The following LIPI variants were observed in gnomAD, a reference collection of about 807,000 sequenced individuals.
LIPI encodes the protein lipase I, also known as lipase member I.
In LIPI, 59 loss-of-function variants were observed where a neutral mutation model predicts 50.6. The observed-to-expected ratio is 1.16, with a 90% CI of 0.94 to 1.45. LIPI has a LOEUF of 1.45. Ranked by LOEUF, LIPI falls within the 40% of genes most tolerant of loss-of-function variation. The pLI, the probability that LIPI is intolerant of heterozygous loss-of-function variation, is 0.00. For synonymous variants in LIPI, 203 were observed against 178.2 expected, an observed-to-expected ratio of 1.14 and a Z score of -1.11; for missense variants, 586 against 536.3, an observed-to-expected ratio of 1.09 and a Z score of -0.92.
intron 8 of LIPI, among the ~76,000 whole-genome samples, chr21:14,146,927 C>T (rs977671045): frequency 1.3e-5 from 2 of 151,760 alleles, no homozygotes; most frequent in Non-Finnish European, 2.9e-5. Flanking sequence ...TACAGGCACA[C>T]GCCACCACAC....
At chr21:14,202,631 T>C (rs1306196405) in intron 1 of LIPI, among the ~76,000 whole-genome samples, 2 of 152,188 alleles carry the variant, frequency 1.3e-5, no homozygotes, top group African/African-American at 2.4e-5. Flanking sequence ...GCTAGCCATA[T>C]GTAGAAAGCT....
chr21:14,137,554 A>C (rs2017547553), intron 9 of LIPI, among the ~76,000 whole-genome samples: 1 of 152,182 alleles, frequency 6.6e-6, no homozygotes, highest in Non-Finnish European at 1.5e-5. Context: ...GAGAAAAAAG[A>C]ATATAAAGCA....
At chr21:14,179,614 C>T (rs760955285) in intron 4 of LIPI, among the ~76,000 whole-genome samples, 15 of 152,110 alleles carry the variant, frequency 9.9e-5, no homozygotes, top group African/African-American at 1.7e-4. Context: ...ATAGAGGGAC[C>T]GGCTGGAGCC....
chr21:14,118,973 G>A (rs4493342), intron 9 of LIPI, among the ~76,000 whole-genome samples: 20,474 of 152,222 alleles, frequency 0.13, 1,839 homozygotes, highest in South Asian at 0.21. Flanking sequence ...GGCAATCAAC[G>A]AGGTGGTGGC....
chr21:14,173,707 G>A (rs2123206726), intron 4 of LIPI, among the ~76,000 whole-genome samples: 1 of 152,316 alleles, frequency 6.6e-6, no homozygotes, highest in Middle Eastern at 3.4e-3. Context: ...GTTCTAGGAT[G>A]TAACAGAACC....
intron 9 of LIPI, among the ~76,000 whole-genome samples, chr21:14,138,632 C>A (rs1183493028): frequency 2.0e-5 from 3 of 151,994 alleles, no homozygotes; most frequent in East Asian, 3.9e-4. Flanking sequence ...AAAAAATTGT[C>A]CCTAGCCATC....
intron 7 of LIPI, among the ~76,000 whole-genome samples, chr21:14,162,969 CT>C (rs997366691): frequency 5.9e-5 from 9 of 151,494 alleles, no homozygotes; most frequent in African/African-American, 2.2e-4. Context: ...GAGATTCTCT[CT>C]TCTTCTACAA....
In LIPI at chr21:14,181,844, C is replaced by G; in HGVS notation, c.557G>C (p.Gly186Ala). 1 of 1,609,080 alleles carries G rather than the reference C, an allele frequency of 6.2e-7. No homozygotes were observed. Among genetic ancestry groups the G allele is most frequent in the South Asian group, 1.1e-5 (1 of 90,832 alleles). Residue 186 changes from glycine to alanine, a missense_variant, in exon 4 of 10, where the codon GGG becomes GCG. Coordinates refer to ENST00000681601, the MANE Select transcript of LIPI (RefSeq NM_001302998.2). ...LGRITGLDPA[G>A]PRFSRKPPYS... ...TGGTGGTTTTCTGGAGAACCTTGGC[C>G]CAGCAGGGTCAAGACCTGGAAAGCA...
At chr21:14,117,831 T>G (rs1355282386) in intron 9 of LIPI, among the ~76,000 whole-genome samples, 2 of 151,768 alleles carry the variant, frequency 1.3e-5, no homozygotes, top group Non-Finnish European at 2.9e-5. Flanking sequence ...TGTTTGTAAA[T>G]TGAGATGAAA....
chr21:14,173,928 A>C (rs1367922661), intron 4 of LIPI, among the ~76,000 whole-genome samples: 1 of 152,196 alleles, frequency 6.6e-6, no homozygotes, highest in African/African-American at 2.4e-5. Context: ...CTGTCTTAAA[A>C]TCCCATCATC....
chr21:14,153,406 G>A (rs1210691114), intron 7 of LIPI, among the ~76,000 whole-genome samples: 2 of 152,104 alleles, frequency 1.3e-5, no homozygotes, highest in African/African-American at 4.8e-5. Context: ...ACAGCCTTAG[G>A]CAAAGTACTT....
Position 14,210,955 on chromosome 21 carries a change from T to C in LIPI, c.-110A>G. 9.5e-7 allele frequency: 1 copy of C among 1,055,230 alleles called. No homozygotes were observed. Among genetic ancestry groups the C allele is most frequent in the Non-Finnish European group, 1.1e-6 (1 of 869,888 alleles). 65.4% of individuals were successfully genotyped at this position (1,055,230 alleles called of 1,614,324 possible). A position where few individuals can be genotyped will look rare whatever the true frequency, so the allele number is the denominator to read the frequency against. ...CATCACAGGCTGGCAGGTTCTTCTG[T>C]AAAAGTTCACTGATTTTTGCTCCTC... On this transcript the variant is annotated 5_prime_UTR_variant, in exon 1 of 10. Transcript: ENST00000681601.
At chr21:14,171,067 A>C (rs1435506781) in intron 4 of LIPI, among the ~76,000 whole-genome samples, 4 of 149,270 alleles carry the variant, frequency 2.7e-5, no homozygotes, top group African/African-American at 9.8e-5. Context: ...CTTATACACC[A>C]ATAACAGACA....
At chr21:14,161,013 A>G (rs574185302) in intron 7 of LIPI, among the ~76,000 whole-genome samples, 47 of 151,466 alleles carry the variant, frequency 3.1e-4, no homozygotes, top group Non-Finnish European at 4.9e-4. Flanking sequence ...GATCACTTAT[A>G]TTTTAATTGG....
chr21:14,162,129 T>C (rs1490613765), intron 7 of LIPI, among the ~76,000 whole-genome samples: 2 of 150,554 alleles, frequency 1.3e-5, no homozygotes, highest in African/African-American at 4.9e-5. Flanking sequence ...TATATTACTA[T>C]GGAATACTAC....
At chr21:14,193,272 A>C in intron 1 of LIPI, among the ~76,000 whole-genome samples, 1 of 152,098 alleles carries the variant, frequency 6.6e-6, no homozygotes, top group East Asian at 1.9e-4. Context: ...GAGAATCAAA[A>C]CACGCTGCTA....
intron 1 of LIPI, among the ~76,000 whole-genome samples, chr21:14,200,325 GACA>G (rs1237409861): frequency 6.6e-6 from 1 of 152,050 alleles, no homozygotes; most frequent in African/African-American, 2.4e-5. Flanking sequence ...ACTGTTTGCA[GACA>G]ACATGATCCT....
chr21:14,147,511 G>A (rs370855762), intron 8 of LIPI, among the ~76,000 whole-genome samples: 6 of 152,146 alleles, frequency 3.9e-5, no homozygotes, highest in East Asian at 3.9e-4. Context: ...GATGGACATC[G>A]TTGTTTTATT....
At chr21:14,136,196 C>T (rs879273873) in intron 9 of LIPI, among the ~76,000 whole-genome samples, 5 of 152,120 alleles carry the variant, frequency 3.3e-5, no homozygotes, top group African/African-American at 7.2e-5. Context: ...AGGGCCTTGG[C>T]GAGCCTCAGA....
Sources: allele counts gnomAD v4.1 joint callset (sites outside exome capture counted in the v4.1 genomes callset), GRCh38; gene constraint gnomAD v4.1.1; transcripts MANE v1.5; gene names NCBI Gene and HGNC (gene_info 2026-07-23, HGNC 2026-07-21).